PAK2: variants seen among roughly 807,000 people sequenced by gnomAD.
PAK2 encodes p21 (RAC1) activated kinase 2.
A neutral mutation model predicts 65.9 loss-of-function variants in PAK2; 21 were observed. That is an observed-to-expected ratio of 0.32 (90% CI 0.23 to 0.46). The LOEUF is 0.46. PAK2 is among the 20% of genes least tolerant of loss of function. The probability of loss-of-function intolerance (pLI) is 1.00; values close to 1 mark genes in which losing one functional copy is unlikely to be tolerated. For missense variants in PAK2, 324 were observed against 642.6 expected, an observed-to-expected ratio of 0.50 and a Z score of 5.36; for synonymous variants, 204 against 219.7, an observed-to-expected ratio of 0.93 and a Z score of 0.63.
chr3:196,776,291 A>G (rs1275078496), intron 1 of PAK2, among the ~76,000 whole-genome samples: 1 of 152,226 alleles, frequency 6.6e-6, no homozygotes, highest in Admixed American at 6.5e-5. Context: ...GTTATTGATC[A>G]AGTATTCTAT....
chr3:196,827,966 C>A (rs6789264), intron 14 of PAK2, among the ~76,000 whole-genome samples: 1 of 12,242 alleles, frequency 8.2e-5, no homozygotes. Context: ...GTTTGTGCAT[C>A]GTATCAATCC....
At chr3:196,822,690 C>T (rs1196948930) in intron 13 of PAK2, among the ~76,000 whole-genome samples, 1 of 151,798 alleles carries the variant, frequency 6.6e-6, no homozygotes, top group Non-Finnish European at 1.5e-5. Flanking sequence ...ACGGCTAGGA[C>T]CTGTCTCAAA....
intron 10 of PAK2, 149 bp from the exon 11 acceptor site, chr3:196,814,302 G>A (rs1477731282): frequency 8.5e-5 from 50 of 585,696 alleles, no homozygotes; most frequent in Middle Eastern, 4.8e-4. Flanking sequence ...GTGCTGTTAC[G>A]TAGCAGCTTT....
intron 1 of PAK2, among the ~76,000 whole-genome samples, chr3:196,751,694 T>TATATATATATATAGATA (rs1211217848): frequency 2.2e-5 from 1 of 45,874 alleles, no homozygotes; most frequent in Non-Finnish European, 4.4e-5. Context: ...TATATATATA[T>TATATATATATATAGATA]AATTCAGGCT....
intron 1 of PAK2, among the ~76,000 whole-genome samples, chr3:196,768,209 T>G (rs946758116): frequency 1.2e-4 from 18 of 152,116 alleles, no homozygotes; most frequent in Admixed American, 5.2e-4. Flanking sequence ...CTGTGGTCCC[T>G]GCTCATTGAA....
intron 2 of PAK2, among the ~76,000 whole-genome samples, chr3:196,799,991 G>A (rs1715372009): frequency 6.6e-6 from 1 of 152,200 alleles, no homozygotes; most frequent in South Asian, 2.1e-4. Flanking sequence ...GAAGACAACT[G>A]CAAACACTGC....
chr3:196,741,847 T>A (rs758228453), intron 1 of PAK2, among the ~76,000 whole-genome samples: 3 of 152,338 alleles, frequency 2.0e-5, no homozygotes, highest in Non-Finnish European at 4.4e-5. Flanking sequence ...TTGGCTTCTC[T>A]GCCAGTTTCT....
rs1378994601 is a variant in PAK2, at chr3:196,820,363, T to A, written c.1154-8T>A. 1.9e-6 allele frequency: 3 copies of A among 1,555,526 alleles called. No homozygotes were observed. In the African/African-American group the frequency reaches 4.1e-5, roughly 21 times the overall value. On this transcript the variant is annotated splice_polypyrimidine_tract_variant and splice_region_variant and intron_variant, in intron 12 of 14. Coordinates refer to ENST00000327134, the MANE Select transcript of PAK2 (RefSeq NM_002577.4). This position sits in a 1 kb window ranked among gnomAD's most constrained non-coding sequence, Gnocchi z 4.6. ...AAGCCATTAACTCTGTTTTGTTTTG[T>A]TTTGTAGCTGACTTTGGTTTCTGTG...
chr3:196,806,711 C>CTG (rs1164062770), intron 6 of PAK2, 25 bp downstream of exon 6: 1 of 1,306,660 alleles, frequency 7.7e-7, no homozygotes, highest in Non-Finnish European at 1.1e-6. Context: ...GTGATCTAGG[C>CTG]TGTGTGTGTG....
In PAK2 at chr3:196,828,965, G is replaced by A. The variant is rs1711975388; in HGVS notation, c.*560G>A. ...CTTTGTATAAAAGTTAGGACCAGCT[G>A]TTGTTACATGTAATATTTTAGTTCA... is the stretch of plus-strand genomic sequence containing the variant. On this transcript the variant is annotated 3_prime_UTR_variant, in exon 15 of 15. Coordinates refer to ENST00000327134, the MANE Select transcript of PAK2 (RefSeq NM_002577.4). 6.5e-6 allele frequency: 1 copy of A among 152,678 alleles called. No individual in the cohort carries two copies. The highest frequency in any genetic ancestry group is 1.5e-5 in the Non-Finnish European group (1 of 68,076). 9.5% of individuals were successfully genotyped at this position (152,678 alleles called of 1,614,324 possible).
rs867917200 is a variant in PAK2, at chr3:196,820,796, C to T, written c.1350+229C>T. The stretch of plus-strand genomic sequence containing the variant: ...GTAAGCTGTATTGTTTTGTATTTTA[C>T]GTAGGAAGTTTGGAGCACCTGTCTC... On this transcript the variant is annotated intron_variant, in intron 13 of 14. Transcript: ENST00000327134. The surrounding 1 kb of genome is among the most constrained non-coding windows in gnomAD (Gnocchi z 4.6). Among the ~76,000 whole-genome samples, 4 of 152,206 alleles carry T rather than the reference C, an allele frequency of 2.6e-5. No individual in the cohort carries two copies. The highest frequency in any genetic ancestry group is 2.1e-4 in the South Asian group (1 of 4,832).
intron 11 of PAK2, among the ~76,000 whole-genome samples, chr3:196,816,853 C>T (rs145347301): frequency 0.013 from 2,026 of 152,222 alleles, 94 homozygotes; most frequent in Admixed American, 0.093. Context: ...TGACTCAGTG[C>T]TCTCTGAAAT....
intron 1 of PAK2, among the ~76,000 whole-genome samples, chr3:196,776,789 T>G (rs1464021243): frequency 6.6e-6 from 1 of 152,204 alleles, no homozygotes; most frequent in African/African-American, 2.4e-5. Context: ...GAGAGTCAAT[T>G]GGTTTAATGT....
chr3:196,790,835 C>T (rs1014050191), intron 2 of PAK2, among the ~76,000 whole-genome samples: 10 of 152,168 alleles, frequency 6.6e-5, no homozygotes, highest in African/African-American at 2.2e-4. Context: ...TTCACCTGGT[C>T]GCCCCCACCC....
At chr3:196,812,992 T>C (rs558201330) in intron 10 of PAK2, 141 bp downstream of exon 10, 64 of 580,766 alleles carry the variant, frequency 1.1e-4, no homozygotes, top group Non-Finnish European at 1.7e-4. Flanking sequence ...GAGGTAAAAA[T>C]AGCACAGTGC....
In PAK2 at chr3:196,759,498, GTT is replaced by G. The variant is rs71301221; in HGVS notation, c.-22+19379_-22+19380del. Among the ~76,000 whole-genome samples, 493 of 108,126 alleles carry G rather than the reference GTT, an allele frequency of 4.6e-3. 1 individual carries two copies. The highest frequency in any genetic ancestry group is 0.012 in the African/African-American group (349 of 28,002). The allele number at this position is 108,126 out of a possible 152,430, so 70.9% of individuals were successfully genotyped here. On this transcript the variant is annotated intron_variant, in intron 1 of 14. Transcript: ENST00000327134. ...GGTATACAGTTAAGTGGTTTTTTTT[GTT>G]TTTTTTTTTTTTTTTTTTTTTTTTT...
chr3:196,742,494 A>G (rs967622996), intron 1 of PAK2, among the ~76,000 whole-genome samples: 2 of 152,260 alleles, frequency 1.3e-5, no homozygotes, highest in African/African-American at 4.8e-5. Context: ...TCAAGTAGCC[A>G]AGGATAAAAT....
At chr3:196,756,100 C>T (rs1713760741) in intron 1 of PAK2, among the ~76,000 whole-genome samples, 1 of 152,166 alleles carries the variant, frequency 6.6e-6, no homozygotes, top group Admixed American at 6.5e-5. Flanking sequence ...CTTGTTGTCT[C>T]CCTGTTCCCT....
At position 196,751,803 on chromosome 3, in the gene PAK2, C is replaced by T. The variant is rs181470049; in HGVS notation, c.-22+11646C>T. On this transcript the variant is annotated intron_variant, in intron 1 of 14. Transcript: ENST00000327134. Reference sequence around the variant, plus strand: ...TGTTGCCCAGGTTGGAGTACAATGGCGCAGTCTCAGCTCACTGCAACCTCC... The same window carrying T: ...TGTTGCCCAGGTTGGAGTACAATGGTGCAGTCTCAGCTCACTGCAACCTCC... Among the ~76,000 whole-genome samples, 1,009 of 135,288 alleles carry T rather than the reference C, an allele frequency of 7.5e-3. 16 individuals carry two copies. Among genetic ancestry groups the T allele is most frequent in the African/African-American group, 0.026 (912 of 34,550 alleles). The allele number at this position is 135,288 out of a possible 152,430, so 88.8% of individuals were successfully genotyped here.
Sources: gnomAD v4.1 joint callset for allele counts (sites outside exome capture counted in the v4.1 genomes callset) on GRCh38, gnomAD v4.1.1 for gene constraint, Gnocchi (gnomAD v3.1) non-coding constraint, MANE v1.5 for transcripts, NCBI Gene and HGNC (gene_info 2026-07-23, HGNC 2026-07-21) for gene names.